Variants in LIPG observed in about 807,000 individuals in gnomAD.
LIPG encodes lipase G, endothelial type, also known as endothelial lipase.
Under a neutral mutation model 51.8 loss-of-function variants are expected in LIPG, and 34 were observed. That is an observed-to-expected ratio of 0.66 (90% CI 0.50 to 0.87). The LOEUF (loss-of-function observed/expected upper bound fraction) is 0.87, where lower values mean the gene tolerates loss of function less well. Among genes scored for constraint, LIPG ranks in the 40% least tolerant of loss-of-function variants. The pLI is 0.00. For synonymous variants in LIPG, 246 were observed against 246.1 expected (o/e 1.00, Z 0.00); for missense variants, 580 against 652.7 (o/e 0.89, Z 1.21).
intron 7 of LIPG, 128 bp downstream of exon 7, chr18:49,582,610 G>A: frequency 8.0e-7 from 1 of 1,255,036 alleles, no homozygotes; most frequent in Non-Finnish European, 1.2e-6. Context: ...TCAGGGAGGA[G>A]CCAGGTGGTC....
chr18:49,561,844 G>C (rs193100505), upstream of LIPG: 1 of 1,252,304 alleles, frequency 8.0e-7, no homozygotes, highest in South Asian at 3.7e-5. Flanking sequence ...AGCTGCCTGC[G>C]GAGCGGGCCC....
Position 49,573,329 on chromosome 18 carries a change from A to G in LIPG, c.572-2040A>G, listed in dbSNP as rs184392480. On this transcript the variant is annotated intron_variant, in intron 4 of 9. Coordinates refer to ENST00000261292, the MANE Select transcript of LIPG (RefSeq NM_006033.4). Reference sequence around the variant, plus strand: ...TTGTCGTGGGCTGTTCTGGGAGCACACTGCTTTTGTGCCATCTTTCTTTTG... The same window carrying G: ...TTGTCGTGGGCTGTTCTGGGAGCACGCTGCTTTTGTGCCATCTTTCTTTTG... Among the ~76,000 whole-genome samples the G allele has an allele frequency of 3.0e-3, 461 of 152,308 alleles. 1 individual carries two copies. Among genetic ancestry groups the G allele is most frequent in the African/African-American group, 0.01 (425 of 41,566 alleles).
intron 5 of LIPG, among the ~76,000 whole-genome samples, chr18:49,579,915 T>C (rs2084800919): frequency 1.3e-5 from 2 of 152,002 alleles, no homozygotes; most frequent in African/African-American, 4.8e-5. Flanking sequence ...CAGGTTCAAG[T>C]GATTCTCCTG....
At chr18:49,585,046 T>G (rs977474827) in intron 8 of LIPG, among the ~76,000 whole-genome samples, 3 of 152,238 alleles carry the variant, frequency 2.0e-5, no homozygotes, top group African/African-American at 4.8e-5. Flanking sequence ...CCTTCCATCA[T>G]GTTTTTATAC....
chr18:49,586,683 A>G (rs2084883296), intron 8 of LIPG, 63 bp from the exon 9 acceptor site: 1 of 1,234,426 alleles, frequency 8.1e-7, no homozygotes, highest in South Asian at 1.2e-5. Context: ...CCTTGAATCT[A>G]GAAAGCACAG....
intron 5 of LIPG, among the ~76,000 whole-genome samples, chr18:49,577,565 A>C (rs1435189671): frequency 6.7e-6 from 1 of 148,742 alleles, no homozygotes; most frequent in Non-Finnish European, 1.5e-5. Flanking sequence ...GGCCGGGCAG[A>C]GGGGCTCCTC....
chr18:49,590,173 T>TTGTGTGTGTG lies in LIPG; in HGVS notation c.1482-302_1482-293dup, dbSNP rs57137391. On this transcript the variant is annotated intron_variant, in intron 9 of 9. Coordinates refer to ENST00000261292, the MANE Select transcript of LIPG (RefSeq NM_006033.4). ...TCTCCCCACACTTGTGTGTCCATGA[T>TTGTGTGTGTG]TGTGTGTGTGTGTGTGTGTGTGTGT... The TTGTGTGTGTG allele has an allele frequency of 7.7e-3, 2,856 of 371,806 alleles. 25 individuals carry two copies. Among genetic ancestry groups the TTGTGTGTGTG allele is most frequent in the Middle Eastern group, 0.018 (21 of 1,168 alleles). 23.0% of individuals were successfully genotyped at this position (371,806 alleles called of 1,614,324 possible).
At chr18:49,577,921 G>A (rs1168078281) in intron 5 of LIPG, among the ~76,000 whole-genome samples, 1 of 110,374 alleles carries the variant, frequency 9.1e-6, no homozygotes, top group African/African-American at 4.0e-5. Flanking sequence ...AGGGGTGGGC[G>A]GGCAGAGGCG....
intron 5 of LIPG, among the ~76,000 whole-genome samples, chr18:49,578,250 C>A (rs2084751682): frequency 6.8e-6 from 1 of 147,012 alleles, no homozygotes; most frequent in Non-Finnish European, 1.5e-5. Flanking sequence ...GGCGGAGGGG[C>A]TCCTCACTTC....
chr18:49,569,568 C>T lies in LIPG; in HGVS notation c.571+20C>T. 1 of 1,575,474 alleles carries T rather than the reference C, an allele frequency of 6.3e-7. No homozygotes were observed. The highest frequency in any genetic ancestry group is 8.7e-7 in the Non-Finnish European group (1 of 1,146,054). On this transcript the variant is annotated intron_variant, in intron 4 of 9. Coordinates refer to ENST00000261292, the MANE Select transcript of LIPG (RefSeq NM_006033.4). ...TCACAGGTGAGCTCCACTTCCATCACTAAAGGGCTCCCTCAGCTGCGCTAA... is the reference window on the plus strand; with the variant it reads ...TCACAGGTGAGCTCCACTTCCATCATTAAAGGGCTCCCTCAGCTGCGCTAA...
upstream of LIPG, chr18:49,561,641 G>C: frequency 8.2e-7 from 1 of 1,225,322 alleles, no homozygotes; most frequent in Non-Finnish European, 1.0e-6. Context: ...CCAGGGAGCG[G>C]ATAGACCACT....
chr18:49,561,529 C>G (rs1900060367), upstream of LIPG: 1 of 495,706 alleles, frequency 2.0e-6, no homozygotes, highest in Admixed American at 4.4e-5. Context: ...ATTGTGCGGC[C>G]GCGCCTTCTG....
Position 49,575,479 on chromosome 18 carries a change from T to C in LIPG, c.682T>C (p.Leu228=), listed in dbSNP as rs1484253032. 4 of 1,614,230 alleles carry C rather than the reference T, an allele frequency of 2.5e-6. No individual in the cohort carries two copies. The highest frequency in any genetic ancestry group is 3.4e-6 in the Non-Finnish European group (4 of 1,180,050). Residue 228 remains leucine, a synonymous_variant, in exon 5 of 10, where the codon TTG becomes CTG. Coordinates refer to ENST00000261292, the MANE Select transcript of LIPG (RefSeq NM_006033.4). ...CCACACCTACACGCGTTCCTTCGGCTTGAGCATTGGTATTCAGATGCCTGT... is the reference window on the plus strand; with the variant it reads ...CCACACCTACACGCGTTCCTTCGGCCTGAGCATTGGTATTCAGATGCCTGT... ...VLHTYTRSFG[L]SIGIQMPVGH...
At chr18:49,579,764 C>CT (rs1555778417) in intron 5 of LIPG, among the ~76,000 whole-genome samples, 26 of 112,202 alleles carry the variant, frequency 2.3e-4, no homozygotes, top group East Asian at 7.2e-4. Flanking sequence ...CTTTCCTTTC[C>CT]TTTCTTTTCT....
chr18:49,581,265 A>G (rs1456593380), intron 5 of LIPG, 150 bp from the exon 6 acceptor site: 10 of 1,234,640 alleles, frequency 8.1e-6, no homozygotes, highest in Middle Eastern at 5.0e-4. Flanking sequence ...ACCTTGTCTC[A>G]ACACAAATAA....
At chr18:49,568,927 C>G (rs572355301) in intron 3 of LIPG, among the ~76,000 whole-genome samples, 27 of 152,186 alleles carry the variant, frequency 1.8e-4, no homozygotes, top group Non-Finnish European at 3.1e-4. Flanking sequence ...TCCTTACCCC[C>G]CAGATGAGTG....
Position 49,562,249 on chromosome 18 carries a change from A to C in LIPG, c.-60A>C. The C allele has an allele frequency of 1.2e-6, 2 of 1,611,610 alleles. No individual in the cohort carries two copies. The highest frequency in any genetic ancestry group is 1.7e-5 in the Admixed American group (1 of 60,006). The stretch of plus-strand genomic sequence containing the variant: ...ACCGGCCGGGATTGCTGGAAACACC[A>C]AGAGGTGGTTTTTGTTTTTTAAAAC... On this transcript the variant is annotated 5_prime_UTR_variant, in exon 1 of 10. Transcript: ENST00000261292.
Position 49,562,241 on chromosome 18 carries a change from G to A in LIPG, c.-68G>A, listed in dbSNP as rs937028201. The A allele has an allele frequency of 3.1e-6, 5 of 1,610,830 alleles. No homozygotes were observed. In the African/African-American group the frequency reaches 6.7e-5, roughly 22 times the overall value. On this transcript the variant is annotated 5_prime_UTR_variant, in exon 1 of 10. Transcript: ENST00000261292. ...AGGGTCTTACCGGCCGGGATTGCTG[G>A]AAACACCAAGAGGTGGTTTTTGTTT...
At chr18:49,576,463 T>G (rs2148851080) in intron 5 of LIPG, among the ~76,000 whole-genome samples, 1 of 56,946 alleles carries the variant, frequency 1.8e-5, no homozygotes, top group African/African-American at 7.3e-5. Flanking sequence ...CTTGCTTTTT[T>G]TTTTTTTTTT....
Sources: allele counts gnomAD v4.1 joint callset (sites outside exome capture counted in the v4.1 genomes callset), GRCh38; gene constraint gnomAD v4.1.1; transcripts MANE v1.5; gene names NCBI Gene and HGNC (gene_info 2026-07-23, HGNC 2026-07-21).